The following CNTN5 variants were observed in gnomAD, a reference collection of about 807,000 sequenced individuals.
CNTN5 encodes contactin-5.
CNTN5 carries 77 observed loss-of-function variants against 129.1 expected under a neutral mutation model. The ratio of observed to expected loss-of-function variants is 0.60; its 90% confidence interval spans 0.50 to 0.72. The LOEUF (loss-of-function observed/expected upper bound fraction) is 0.72. Among genes scored for constraint, CNTN5 ranks in the 30% least tolerant of loss-of-function variants. The probability of loss-of-function intolerance (pLI) is 0.00; values close to 1 mark genes in which losing one functional copy is unlikely to be tolerated. For missense variants in CNTN5, 1,478 were observed against 1,328.8 expected, an observed-to-expected ratio of 1.11 and a Z score of -1.75; for synonymous variants, 509 against 465.6, an observed-to-expected ratio of 1.09 and a Z score of -1.20.
chr11:99,432,495 C>CTTTTCTTTTCTTTTCTTTTCT (rs539746806), intron 2 of CNTN5, among the ~76,000 whole-genome samples: 65 of 78,058 alleles, frequency 8.3e-4, no homozygotes, highest in African/African-American at 1.2e-3. Flanking sequence ...CTTTTCTTTT[C>CTTTTCTTTTCTTTTCTTTTCT]TTTCTTTTCT....
chr11:99,757,673 G>C (rs1041585518), intron 3 of CNTN5, among the ~76,000 whole-genome samples: 1 of 152,008 alleles, frequency 6.6e-6, no homozygotes, highest in African/African-American at 2.4e-5. Flanking sequence ...GAATTTTGGG[G>C]AGGGTATTAC....
intron 2 of CNTN5, among the ~76,000 whole-genome samples, chr11:99,426,285 A>C (rs1272498929): frequency 6.6e-5 from 10 of 152,148 alleles, no homozygotes; most frequent in South Asian, 2.1e-4. Flanking sequence ...TTGATATCAC[A>C]AAATAGGATC....
At chr11:99,993,692 C>T (rs1429535552) in intron 8 of CNTN5, among the ~76,000 whole-genome samples, 1 of 152,072 alleles carries the variant, frequency 6.6e-6, no homozygotes, top group African/African-American at 2.4e-5. Flanking sequence ...GCTGTGCAGC[C>T]TGGTTCCTAA....
At chr11:99,172,524 T>C (rs1861194031) in intron 1 of CNTN5, among the ~76,000 whole-genome samples, 1 of 152,240 alleles carries the variant, frequency 6.6e-6, no homozygotes, top group African/African-American at 2.4e-5. Flanking sequence ...AAAATTTTCA[T>C]TGATACATTA....
chr11:99,232,933 T>C (rs80305033), intron 1 of CNTN5, among the ~76,000 whole-genome samples: 3 of 152,336 alleles, frequency 2.0e-5, no homozygotes, highest in African/African-American at 7.2e-5. Context: ...ATGTTAAACA[T>C]ATAAAATGAA....
intron 13 of CNTN5, among the ~76,000 whole-genome samples, chr11:100,147,916 A>C (rs917529507): frequency 2.6e-5 from 4 of 152,086 alleles, no homozygotes; most frequent in Non-Finnish European, 4.4e-5. Flanking sequence ...GTGTTTCTAA[A>C]TTGTTTAATT....
At chr11:99,548,493 A>T (rs1032410162) in intron 2 of CNTN5, among the ~76,000 whole-genome samples, 1 of 152,172 alleles carries the variant, frequency 6.6e-6, no homozygotes, top group Non-Finnish European at 1.5e-5. Context: ...TGTATAGCCA[A>T]TCGCTGGTTG....
chr11:99,527,415 C>A (rs1351453313), intron 2 of CNTN5, among the ~76,000 whole-genome samples: 1 of 152,044 alleles, frequency 6.6e-6, no homozygotes, highest in Non-Finnish European at 1.5e-5. Flanking sequence ...CAGTCAGAGA[C>A]ACCAAGTCTT....
At chr11:100,027,305 G>T (rs2137593892) in intron 9 of CNTN5, among the ~76,000 whole-genome samples, 1 of 152,206 alleles carries the variant, frequency 6.6e-6, no homozygotes, top group Non-Finnish European at 1.5e-5. Context: ...TCTGAGATAT[G>T]GTTAAATTAC....
chr11:99,411,531 A>G (rs1942391086), intron 2 of CNTN5, among the ~76,000 whole-genome samples: 1 of 150,742 alleles, frequency 6.6e-6, no homozygotes, highest in Non-Finnish European at 1.5e-5. Flanking sequence ...AAAATAAATA[A>G]ATAAATACAA....
intron 3 of CNTN5, among the ~76,000 whole-genome samples, chr11:99,750,965 G>A (rs893723362): frequency 5.3e-5 from 8 of 152,170 alleles, no homozygotes; most frequent in African/African-American, 1.9e-4. Flanking sequence ...CAAAAGTCAC[G>A]TGGTCTTTCA....
At chr11:100,115,933 C>T (rs893676542) in intron 13 of CNTN5, among the ~76,000 whole-genome samples, 1 of 151,940 alleles carries the variant, frequency 6.6e-6, no homozygotes, top group Non-Finnish European at 1.5e-5. Context: ...TACCTCAAGC[C>T]ATTCATATGA....
intron 4 of CNTN5, among the ~76,000 whole-genome samples, chr11:99,837,454 T>A (rs901121247): frequency 2.0e-5 from 3 of 152,156 alleles, no homozygotes; most frequent in African/African-American, 7.2e-5. Flanking sequence ...TTTAAAGCCT[T>A]ACTGGCATCT....
chr11:99,754,260 T>G (rs1412514733), intron 3 of CNTN5, among the ~76,000 whole-genome samples: 2 of 152,182 alleles, frequency 1.3e-5, no homozygotes, highest in African/African-American at 4.8e-5. Context: ...TCCTTAACAG[T>G]TCATGAATAC....
intron 9 of CNTN5, among the ~76,000 whole-genome samples, chr11:100,056,115 A>G (rs1465813810): frequency 6.6e-6 from 1 of 151,608 alleles, no homozygotes; most frequent in African/African-American, 2.4e-5. Flanking sequence ...TTTTGTCTTT[A>G]AATGTCTATT....
Position 99,360,060 on chromosome 11 carries a change from A to T in CNTN5, c.-71+34576A>T, listed in dbSNP as rs557335580. ...ACATACTCATAAAAATTAAAAATTT[A>T]AAAAATAGACAATTAAAAAGAAAAC... On this transcript the variant is annotated intron_variant, in intron 2 of 24. Transcript: ENST00000524871. Among the ~76,000 whole-genome samples the T allele has an allele frequency of 2.0e-5, 3 of 151,324 alleles. No homozygotes were observed. In the Admixed American group the frequency reaches 2.0e-4, roughly 10 times the overall value.
chr11:99,223,853 G>T (rs943807360), intron 1 of CNTN5, among the ~76,000 whole-genome samples: 2 of 152,100 alleles, frequency 1.3e-5, no homozygotes, highest in African/African-American at 4.8e-5. Context: ...AATATTTGGA[G>T]GACCTCTTTA....
chr11:99,535,620 G>A (rs1000929701), intron 2 of CNTN5, among the ~76,000 whole-genome samples: 1 of 152,150 alleles, frequency 6.6e-6, no homozygotes, highest in African/African-American at 2.4e-5. Flanking sequence ...AATGTACAGC[G>A]AGGCTGAAAA....
At chr11:99,832,276 A>T (rs1337318851) in intron 4 of CNTN5, among the ~76,000 whole-genome samples, 1 of 152,224 alleles carries the variant, frequency 6.6e-6, no homozygotes. Flanking sequence ...ATGCATTCCA[A>T]TATCCAATGG....
Sources: gnomAD v4.1 joint callset for allele counts (sites outside exome capture counted in the v4.1 genomes callset) on GRCh38, gnomAD v4.1.1 for gene constraint, MANE v1.5 for transcripts, NCBI Gene and HGNC (gene_info 2026-07-23, HGNC 2026-07-21) for gene names.